Variants in OTOF observed in about 807,000 individuals in gnomAD.
The protein encoded by OTOF is otoferlin, also known as fer-1-like family member 2.
Under a neutral mutation model 236.8 loss-of-function variants are expected in OTOF, and 218 were observed. The observed-to-expected ratio is 0.92, with a 90% CI of 0.82 to 1.03. The LOEUF is 1.03. OTOF is among the 50% of genes least tolerant of loss of function. OTOF has a pLI of 0.00. For synonymous variants in OTOF, 1,041 were observed against 1,072.5 expected, an observed-to-expected ratio of 0.97 and a Z score of 0.57; for missense variants, 2,590 against 2,694.4, an observed-to-expected ratio of 0.96 and a Z score of 0.86.
At chr2:26,517,505 G>A (rs1666563745) in intron 4 of OTOF, among the ~76,000 whole-genome samples, 3 of 152,180 alleles carry the variant, frequency 2.0e-5, no homozygotes, top group Admixed American at 1.3e-4. Flanking sequence ...AGCATATCAG[G>A]AGGTTAAGTT....
At chr2:26,493,663 C>A (rs181495150) in intron 9 of OTOF, among the ~76,000 whole-genome samples, 1 of 152,060 alleles carries the variant, frequency 6.6e-6, no homozygotes, top group African/African-American at 2.4e-5. Context: ...ACACAATAAG[C>A]GAACAGAATG....
At chr2:26,517,737 T>C (rs975051119) in intron 4 of OTOF, among the ~76,000 whole-genome samples, 8 of 152,188 alleles carry the variant, frequency 5.3e-5, no homozygotes, top group Non-Finnish European at 1.0e-4. Context: ...CAGGACTTCA[T>C]TGTTCCCATT....
In OTOF at chr2:26,460,990, T is replaced by C; in HGVS notation, c.5574A>G (p.Ala1858=). The change falls in exon 44 of 47, where the codon GCA becomes GCG. Residue 1858 remains alanine (A), a synonymous_variant. Coordinates refer to ENST00000272371, the MANE Select transcript of OTOF (RefSeq NM_194248.3). The surrounding 1 kb of genome is among the most constrained non-coding windows in gnomAD (Gnocchi z 5.3). ...ELDLNRFPRG[A]KTAKQCTMEM... ...CCATGGTGCACTGCTTGGCTGTCTT[T>C]GCGCCCCGCGGGAACCGGTTCAGGT... The C allele has an allele frequency of 6.6e-7, 1 of 1,509,296 alleles. No individual in the cohort carries two copies. The highest frequency in any genetic ancestry group is 9.0e-7 in the Non-Finnish European group (1 of 1,114,010). The allele number at this position is 1,509,296 out of a possible 1,614,324, so 93.5% of individuals were successfully genotyped here.
At position 26,502,430 on chromosome 2, in the gene OTOF, G is replaced by C. The variant is rs1261526181; in HGVS notation, c.584-4C>G. 6.2e-7 allele frequency: 1 copy of C among 1,612,310 alleles called. No homozygotes were observed. Among genetic ancestry groups the C allele is most frequent in the Admixed American group, 1.7e-5 (1 of 59,888 alleles). On this transcript the variant is annotated splice_polypyrimidine_tract_variant and splice_region_variant and intron_variant, in intron 6 of 46. Coordinates refer to ENST00000272371, the MANE Select transcript of OTOF (RefSeq NM_194248.3). ...ATCTCCAGCACCGCCGGTTCATCTGGGGAAGATGAAAGACTGGTTAGGTGG... is the reference window on the plus strand; with the variant it reads ...ATCTCCAGCACCGCCGGTTCATCTGCGGAAGATGAAAGACTGGTTAGGTGG...
chr2:26,545,340 T>C (rs1377119846), intron 1 of OTOF, among the ~76,000 whole-genome samples: 2 of 152,322 alleles, frequency 1.3e-5, no homozygotes, highest in Non-Finnish European at 2.9e-5. Flanking sequence ...TTTGCCTACA[T>C]AAAAAATTTC....
intron 2 of OTOF, among the ~76,000 whole-genome samples, chr2:26,530,804 T>C (rs1475250456): frequency 6.6e-6 from 1 of 152,152 alleles, no homozygotes; most frequent in African/African-American, 2.4e-5. Flanking sequence ...TTCCAGAAGC[T>C]TTTAAAAATC....
intron 3 of OTOF, among the ~76,000 whole-genome samples, chr2:26,526,862 A>T (rs1170858905): frequency 1.3e-5 from 2 of 151,508 alleles, no homozygotes; most frequent in Non-Finnish European, 2.9e-5. Flanking sequence ...AGAGCAACCG[A>T]TTTTTTTTTA....
At chr2:26,556,493 C>A (rs943223201) in intron 1 of OTOF, among the ~76,000 whole-genome samples, 1 of 152,208 alleles carries the variant, frequency 6.6e-6, no homozygotes, top group Non-Finnish European at 1.5e-5. Context: ...CCCATGGCCA[C>A]CTCCTGCCAA....
intron 13 of OTOF, among the ~76,000 whole-genome samples, chr2:26,482,952 TG>T (rs200325372): frequency 0.012 from 1,703 of 146,190 alleles, 21 homozygotes; most frequent in African/African-American, 0.037. Flanking sequence ...CGTGGGTGCA[TG>T]TGTGCACGTG....
chr2:26,516,622 G>A, intron 4 of OTOF, 23 bp from the exon 5 acceptor site: 1 of 1,600,554 alleles, frequency 6.2e-7, no homozygotes, highest in Non-Finnish European at 8.5e-7. Context: ...AGGCGGTGGT[G>A]AGCAGCTGGG....
At chr2:26,558,448 C>A in intron 1 of OTOF, 45 bp downstream of exon 1, 1 of 1,553,284 alleles carries the variant, frequency 6.4e-7, no homozygotes, top group South Asian at 1.1e-5. Flanking sequence ...ATGGGCTGGT[C>A]CAGCTCTCAG....
chr2:26,511,144 C>T (rs1354424727), intron 5 of OTOF, among the ~76,000 whole-genome samples: 1 of 152,160 alleles, frequency 6.6e-6, no homozygotes, highest in Non-Finnish European at 1.5e-5. Flanking sequence ...GGCCACCCTG[C>T]TCCTCTGCCC....
intron 1 of OTOF, among the ~76,000 whole-genome samples, chr2:26,545,815 A>T (rs1043097494): frequency 6.6e-6 from 1 of 152,222 alleles, no homozygotes; most frequent in Middle Eastern, 3.2e-3. Flanking sequence ...AATTGATTTT[A>T]TATGTACAGA....
rs765616249 is a variant in OTOF at position 26,464,039 on chromosome 2, G to C, written c.5028C>G (p.Arg1676=). ...LALRHWEDIP[R]AGCRLVPEHV... ...GCTCTGGCACCAGGCGGCAGCCTGC[G>C]CGGGGGATGTCCTCCCAGTGCCTCA... Residue 1676 remains arginine (R), a synonymous_variant, in exon 40 of 47, where the codon CGC becomes CGG. Coordinates refer to ENST00000272371, the MANE Select transcript of OTOF (RefSeq NM_194248.3). 8.7e-6 allele frequency: 14 copies of C among 1,613,700 alleles called. No homozygotes were observed. The highest frequency in any genetic ancestry group is 1.2e-5 in the Non-Finnish European group (14 of 1,180,012).
chr2:26,482,712 T>C (rs999250325), intron 13 of OTOF, 120 bp from the exon 14 acceptor site: 3 of 764,196 alleles, frequency 3.9e-6, no homozygotes, highest in Non-Finnish European at 6.5e-6. Flanking sequence ...TGTGAGTGGG[T>C]GTGCATGCGT....
At position 26,462,379 on chromosome 2, in the gene OTOF, T is replaced by A. The variant is rs547636121; in HGVS notation, c.5193-198A>T. Among the ~76,000 whole-genome samples the A allele has an allele frequency of 2.7e-5, 4 of 150,156 alleles. No individual in the cohort carries two copies. Among genetic ancestry groups the A allele is most frequent in the Non-Finnish European group, 4.4e-5 (3 of 67,594 alleles). On this transcript the variant is annotated intron_variant, in intron 41 of 46. Transcript: ENST00000272371. The surrounding 1 kb of genome is among the most constrained non-coding windows in gnomAD (Gnocchi z 4.7). ...TGAGAAGGCCCACCAGGCACATGGC[T>A]GTGGGCGGTGGGGGTGGGGTGAGGG...
chr2:26,539,525 C>G lies in OTOF; in HGVS notation c.80-1751G>C, dbSNP rs755413407. Reference sequence around the variant, plus strand: ...CCGAGGCGGGCGGATCACCTGAGGTCGGGAGTTCGAGACCTGCTTGACCAA... The same window carrying G: ...CCGAGGCGGGCGGATCACCTGAGGTGGGGAGTTCGAGACCTGCTTGACCAA... On this transcript the variant is annotated intron_variant, in intron 1 of 46. Transcript: ENST00000272371. 1.3e-5 allele frequency among the ~76,000 whole-genome samples: 2 copies of G among 152,156 alleles called. 1 individual carries two copies. The highest frequency in any genetic ancestry group is 4.8e-5 in the African/African-American group (2 of 41,440).
chr2:26,529,755 A>C (rs1467101661), intron 2 of OTOF, among the ~76,000 whole-genome samples: 2 of 141,272 alleles, frequency 1.4e-5, no homozygotes, highest in Admixed American at 7.0e-5. Flanking sequence ...TGGCCTTGGC[A>C]TGAGAGGGAG....
chr2:26,464,745 G>C (rs1664644553), intron 39 of OTOF, 124 bp downstream of exon 39: 2 of 927,412 alleles, frequency 2.2e-6, no homozygotes, highest in Non-Finnish European at 3.2e-6. Context: ...GGGTCACTAA[G>C]ACCAGGTTTA....
Sources: allele counts gnomAD v4.1 joint callset (sites outside exome capture counted in the v4.1 genomes callset), GRCh38; gene constraint gnomAD v4.1.1; non-coding constraint Gnocchi (gnomAD v3.1); transcripts MANE v1.5; gene names NCBI Gene and HGNC (gene_info 2026-07-23, HGNC 2026-07-21).